STXBP6: variants seen among roughly 807,000 people sequenced by gnomAD.
STXBP6 encodes the protein syntaxin binding protein 6, also known as syntaxin-binding protein 6.
Under a neutral mutation model 26.9 loss-of-function variants are expected in STXBP6, and 21 were observed. The observed-to-expected ratio is 0.78, with a 90% CI of 0.55 to 1.12. STXBP6 has a LOEUF of 1.12. STXBP6 is among the 50% of genes most tolerant of loss of function. STXBP6 has a pLI of 0.00. For missense variants in STXBP6, 232 were observed against 257.9 expected (o/e 0.90, Z 0.69); for synonymous variants, 97 against 92.6 (o/e 1.05, Z -0.27).
At chr14:24,983,675 A>G (rs767830023) in intron 1 of STXBP6, among the ~76,000 whole-genome samples, 4 of 151,630 alleles carry the variant, frequency 2.6e-5, no homozygotes, top group Non-Finnish European at 2.9e-5. Flanking sequence ...AAATAAAGAA[A>G]CAAACAGAAA....
intron 2 of STXBP6, among the ~76,000 whole-genome samples, chr14:24,960,310 C>A (rs2073488519): frequency 6.6e-6 from 1 of 152,186 alleles, no homozygotes. Context: ...ACATGTACTG[C>A]AGCAAAGGTT....
intron 1 of STXBP6, among the ~76,000 whole-genome samples, chr14:24,999,788 G>A (rs1045741066): frequency 9.2e-5 from 14 of 152,138 alleles, no homozygotes; most frequent in African/African-American, 3.4e-4. Flanking sequence ...CCAAAGCCCA[G>A]AGGGGAGACA....
intron 2 of STXBP6, among the ~76,000 whole-genome samples, chr14:24,916,042 C>A (rs1440031472): frequency 6.6e-6 from 1 of 151,964 alleles, no homozygotes; most frequent in Non-Finnish European, 1.5e-5. Flanking sequence ...ACCAGAAAAA[C>A]CAAAAAGACT....
chr14:24,990,098 G>A (rs1223017251), intron 1 of STXBP6, among the ~76,000 whole-genome samples: 1 of 152,128 alleles, frequency 6.6e-6, no homozygotes, highest in African/African-American at 2.4e-5. Flanking sequence ...GTGAATATGT[G>A]GTTTTACCTA....
intron 2 of STXBP6, among the ~76,000 whole-genome samples, chr14:24,945,444 C>T (rs993335194): frequency 4.6e-5 from 7 of 151,968 alleles, no homozygotes; most frequent in African/African-American, 1.7e-4. Context: ...GTAGCACACA[C>T]CTGTAGTCCC....
chr14:24,950,337 C>A (rs948261205), intron 2 of STXBP6, among the ~76,000 whole-genome samples: 1 of 152,028 alleles, frequency 6.6e-6, no homozygotes, highest in African/African-American at 2.4e-5. Flanking sequence ...CTGGTATATA[C>A]CCAACAGAAA....
chr14:24,958,691 T>A (rs2073422588), intron 2 of STXBP6, among the ~76,000 whole-genome samples: 1 of 152,156 alleles, frequency 6.6e-6, no homozygotes, highest in South Asian at 2.1e-4. Flanking sequence ...GTAAGTCAAT[T>A]TAGGAAAATG....
chr14:25,023,505 AG>A (rs1435133944), intron 1 of STXBP6, among the ~76,000 whole-genome samples: 2 of 152,202 alleles, frequency 1.3e-5, no homozygotes, highest in African/African-American at 2.4e-5. Context: ...GAGGCTGTCA[AG>A]GGACATCCAA....
chr14:24,891,548 C>T (rs1282755310), intron 2 of STXBP6, among the ~76,000 whole-genome samples: 1 of 152,186 alleles, frequency 6.6e-6, no homozygotes, highest in Non-Finnish European at 1.5e-5. Context: ...CCGACCCTCT[C>T]TAAAGAAATT....
intron 2 of STXBP6, among the ~76,000 whole-genome samples, chr14:24,930,861 C>T (rs571753835): frequency 1.3e-5 from 2 of 151,732 alleles, no homozygotes; most frequent in East Asian, 3.9e-4. Context: ...CCTGTAATCC[C>T]AGCACTTTGG....
rs547888065 is a variant in STXBP6, at chr14:24,956,411, A to G, written c.154+18254T>C. On this transcript the variant is annotated intron_variant, in intron 2 of 5. Coordinates refer to ENST00000323944, the MANE Select transcript of STXBP6 (RefSeq NM_001394410.1). Reference sequence around the variant, plus strand: ...AGCTTTTAATGGTAGAATAAAATCCAAAATGAATGTCATTCGTTTGCATAA... The same window carrying G: ...AGCTTTTAATGGTAGAATAAAATCCGAAATGAATGTCATTCGTTTGCATAA... Among the ~76,000 whole-genome samples the G allele has an allele frequency of 3.3e-5, 5 of 152,378 alleles. No individual in the cohort carries two copies. The South Asian group carries it at 1.0e-3, about 32-fold the overall frequency.
intron 2 of STXBP6, among the ~76,000 whole-genome samples, chr14:24,900,553 G>A (rs552472745): frequency 1.1e-4 from 17 of 152,070 alleles, no homozygotes; most frequent in African/African-American, 4.1e-4. Context: ...TCTGTTGGGA[G>A]AGAAATGTTG....
chr14:24,947,214 G>C (rs1025410300), intron 2 of STXBP6, among the ~76,000 whole-genome samples: 9 of 101,664 alleles, frequency 8.9e-5, no homozygotes, highest in African/African-American at 3.8e-4. Flanking sequence ...ATATGTGAAG[G>C]GAAAGCAAAA....
chr14:24,971,154 T>A (rs1285773802), intron 2 of STXBP6, among the ~76,000 whole-genome samples: 2 of 152,184 alleles, frequency 1.3e-5, no homozygotes, highest in Non-Finnish European at 2.9e-5. Flanking sequence ...CAGAGGATAT[T>A]TAAACCGCTC....
chr14:24,875,447 C>CT (rs1197137892), intron 2 of STXBP6, among the ~76,000 whole-genome samples: 1 of 152,152 alleles, frequency 6.6e-6, no homozygotes, highest in East Asian at 1.9e-4. Flanking sequence ...ATCTTCAACT[C>CT]TTTATGTCCA....
chr14:24,932,432 G>A (rs750295066), intron 2 of STXBP6, among the ~76,000 whole-genome samples: 6 of 152,176 alleles, frequency 3.9e-5, no homozygotes, highest in Admixed American at 3.9e-4. Context: ...GAAATGAAAA[G>A]ATGGCTTGAG....
At chr14:24,880,271 TG>T (rs2070307552) in intron 2 of STXBP6, among the ~76,000 whole-genome samples, 2 of 152,166 alleles carry the variant, frequency 1.3e-5, no homozygotes, top group African/African-American at 4.8e-5. Context: ...CTTCTGGTGT[TG>T]AAAAAAACAA....
chr14:24,884,333 A>G (rs1315891309), intron 2 of STXBP6, among the ~76,000 whole-genome samples: 1 of 152,240 alleles, frequency 6.6e-6, no homozygotes, highest in Non-Finnish European at 1.5e-5. Flanking sequence ...AGCTGCAAAC[A>G]GCTCCTGATT....
At chr14:24,983,421 A>G (rs761423196) in intron 1 of STXBP6, among the ~76,000 whole-genome samples, 11 of 152,266 alleles carry the variant, frequency 7.2e-5, no homozygotes, top group Non-Finnish European at 1.6e-4. Context: ...AAAGCCACAT[A>G]AAGATTGACT....
Sources: allele counts gnomAD v4.1 joint callset (sites outside exome capture counted in the v4.1 genomes callset), GRCh38; gene constraint gnomAD v4.1.1; transcripts MANE v1.5; gene names NCBI Gene and HGNC (gene_info 2026-07-23, HGNC 2026-07-21).